TASP1: variants seen among roughly 807,000 people sequenced by gnomAD.
TASP1 encodes threonine aspartase 1.
TASP1 carries 16 observed loss-of-function variants against 56.6 expected under a neutral mutation model. The ratio of observed to expected loss-of-function variants is 0.28; its 90% CI spans 0.19 to 0.43. The LOEUF is 0.43. Ranked by LOEUF, TASP1 falls within the 20% of genes least tolerant of loss-of-function variation. TASP1 has a pLI of 1.00. For missense variants in TASP1, 393 were observed against 511.6 expected (o/e 0.77, Z 2.24); for synonymous variants, 179 against 184.2 (o/e 0.97, Z 0.23).
chr20:13,625,058 C>G (rs1376581295), intron 3 of TASP1, 127 bp downstream of exon 3: 1 of 606,460 alleles, frequency 1.6e-6, no homozygotes, highest in Admixed American at 3.6e-5. Context: ...CAAAAACAAG[C>G]AAAATAATTT....
intron 1 of TASP1, among the ~76,000 whole-genome samples, chr20:13,633,186 A>C (rs1008903170): frequency 6.6e-6 from 1 of 152,218 alleles, no homozygotes; most frequent in African/African-American, 2.4e-5. Context: ...TATATGTAAC[A>C]GTCTCAAACA....
intron 10 of TASP1, among the ~76,000 whole-genome samples, chr20:13,500,232 T>A (rs1426616301): frequency 6.9e-6 from 1 of 145,488 alleles, no homozygotes; most frequent in African/African-American, 2.6e-5. Flanking sequence ...AGCATCTATA[T>A]AAAAATGTGT....
the TASP1 span, chr20:13,243,916 T>C: frequency 6.6e-6 from 1 of 152,206 alleles, no homozygotes; most frequent in Non-Finnish European, 1.5e-5. Flanking sequence ...GATGGAATTG[T>C]TTCTCAATTT....
the TASP1 span, chr20:13,110,349 A>G: frequency 8.6e-6 from 6 of 695,332 alleles, no homozygotes; most frequent in South Asian, 1.2e-4. Context: ...GACCTGAGAC[A>G]GAGCCACCAA....
chr20:13,380,094 C>G, the TASP1 span, among the ~76,000 whole-genome samples: 1 of 152,184 alleles, frequency 6.6e-6, no homozygotes, highest in Non-Finnish European at 1.5e-5. Context: ...AACTCATTCT[C>G]CATCCAGTTT....
At chr20:13,393,725 C>G (rs569800360) in intron 13 of TASP1, 1 of 873,216 alleles carries the variant, frequency 1.1e-6, no homozygotes, top group African/African-American at 1.7e-5. Context: ...GAGAGAGGCC[C>G]TCAGCTGCTG....
chr20:13,635,036 T>A (rs1481870188), intron 1 of TASP1, among the ~76,000 whole-genome samples: 3 of 151,872 alleles, frequency 2.0e-5, no homozygotes, highest in Middle Eastern at 3.4e-3. Context: ...CTCAAAAAAA[T>A]AAAAATAAAA....
chr20:13,606,136 CGTGT>C (rs33951824), intron 4 of TASP1, among the ~76,000 whole-genome samples: 29 of 150,364 alleles, frequency 1.9e-4, no homozygotes, highest in Middle Eastern at 3.4e-3. Flanking sequence ...TGTGTGCGTG[CGTGT>C]GTGTGTGTGT....
chr20:13,537,838 A>G (rs182472535), intron 8 of TASP1, among the ~76,000 whole-genome samples: 1 of 152,262 alleles, frequency 6.6e-6, no homozygotes, highest in African/African-American at 2.4e-5. Context: ...TCTGTTCCAA[A>G]TTAGAGATGG....
At chr20:13,487,966 G>T (rs1190713931) in intron 10 of TASP1, among the ~76,000 whole-genome samples, 1 of 152,016 alleles carries the variant, frequency 6.6e-6, no homozygotes, top group Non-Finnish European at 1.5e-5. Flanking sequence ...TGGCCCACAG[G>T]TCATTGTTTG....
At chr20:13,185,926 G>A in the TASP1 span, among the ~76,000 whole-genome samples, 2 of 152,068 alleles carry the variant, frequency 1.3e-5, no homozygotes, top group South Asian at 4.1e-4. Flanking sequence ...ACTTTTCTTG[G>A]GCTCATCAGA....
intron 11 of TASP1, among the ~76,000 whole-genome samples, chr20:13,439,559 T>A (rs1040939500): frequency 6.6e-6 from 1 of 152,032 alleles, no homozygotes; most frequent in Non-Finnish European, 1.5e-5. Context: ...TAGTGTTAAG[T>A]GACGAGTTAC....
At chr20:13,599,163 C>G (rs989604749) in intron 4 of TASP1, among the ~76,000 whole-genome samples, 1 of 152,148 alleles carries the variant, frequency 6.6e-6, no homozygotes, top group South Asian at 2.1e-4. Flanking sequence ...TTTGACCCAG[C>G]GATCCCATTA....
At chr20:13,626,744 A>T (rs371222342) in intron 2 of TASP1, among the ~76,000 whole-genome samples, 1 of 152,132 alleles carries the variant, frequency 6.6e-6, no homozygotes, top group Non-Finnish European at 1.5e-5. Flanking sequence ...AGGTGATCTC[A>T]AGTTGGCTGT....
At chr20:13,212,608 G>A in the TASP1 span, among the ~76,000 whole-genome samples, 2 of 151,994 alleles carry the variant, frequency 1.3e-5, no homozygotes, top group African/African-American at 2.4e-5. Context: ...TCATGGCCCC[G>A]ACAAATAAAA....
At chr20:13,372,619 A>G in the TASP1 span, among the ~76,000 whole-genome samples, 11 of 151,860 alleles carry the variant, frequency 7.2e-5, no homozygotes, top group Non-Finnish European at 1.2e-4. Context: ...ACACTAATAC[A>G]ACATCTAATG....
At chr20:13,462,320 G>A (rs1017831797) in intron 11 of TASP1, among the ~76,000 whole-genome samples, 1 of 152,204 alleles carries the variant, frequency 6.6e-6, no homozygotes, top group Admixed American at 6.6e-5. Flanking sequence ...CTGAGAAACT[G>A]AACTTCTAAT....
At chr20:13,525,843 A>C (rs2044957167) in intron 10 of TASP1, among the ~76,000 whole-genome samples, 1 of 152,174 alleles carries the variant, frequency 6.6e-6, no homozygotes, top group Admixed American at 6.6e-5. Context: ...TATCATCCCC[A>C]GGTTCTGTGG....
chr20:13,202,942 G>A, the TASP1 span, among the ~76,000 whole-genome samples: 1 of 152,344 alleles, frequency 6.6e-6, no homozygotes, highest in East Asian at 1.9e-4. Flanking sequence ...ACAGAAGCCT[G>A]CAAGCAGAAC....
Sources: allele counts gnomAD v4.1 joint callset (sites outside exome capture counted in the v4.1 genomes callset), GRCh38; gene constraint gnomAD v4.1.1; transcripts MANE v1.5; gene names NCBI Gene and HGNC (gene_info 2026-07-23, HGNC 2026-07-21).